Variants in RIC1 observed in about 807,000 individuals in gnomAD.
RIC1 encodes the protein RIC1 partner of RAB6A GEF complex.
In RIC1, 88 loss-of-function variants were observed where a neutral mutation model predicts 169.0. The observed-to-expected ratio is 0.52, with a 90% CI of 0.44 to 0.62. The LOEUF (loss-of-function observed/expected upper bound fraction) is 0.62, where lower values mean the gene tolerates loss of function less well. RIC1 is among the 20% of genes least tolerant of loss of function. The pLI is 0.00. For synonymous variants in RIC1, 790 were observed against 601.5 expected (o/e 1.31, Z -4.59); for missense variants, 1,877 against 1,725.5 (o/e 1.09, Z -1.56).
intron 1 of RIC1, among the ~76,000 whole-genome samples, chr9:5,648,075 C>T (rs1050940514): frequency 1.3e-5 from 2 of 150,596 alleles, no homozygotes; most frequent in African/African-American, 4.9e-5. Flanking sequence ...CGCCACCTCC[C>T]GAGTTCAAGC....
Position 5,763,976 on chromosome 9 carries a change from A to G in RIC1, c.2841+108A>G, listed in dbSNP as rs991106794. ...ATTGTGTTTAAGGAATTCATAGTCA[A>G]ATTTTCTGTTTATATCTTTAATTTG... is the stretch of plus-strand genomic sequence containing the variant. On this transcript the variant is annotated intron_variant, in intron 19 of 25. Coordinates refer to ENST00000414202, the MANE Select transcript of RIC1 (RefSeq NM_020829.4). The surrounding 1 kb of genome is among the most constrained non-coding windows in gnomAD (Gnocchi z 5.2). 4.0e-6 allele frequency: 5 copies of G among 1,255,466 alleles called. No individual in the cohort carries two copies. The highest frequency in any genetic ancestry group is 5.5e-6 in the Non-Finnish European group (5 of 908,838). 77.8% of individuals were successfully genotyped at this position (1,255,466 alleles called of 1,614,324 possible). A position where few individuals can be genotyped will look rare whatever the true frequency, so the allele number is the denominator to read the frequency against.
intron 3 of RIC1, among the ~76,000 whole-genome samples, chr9:5,698,917 G>A (rs147620784): frequency 1.3e-5 from 2 of 152,290 alleles, no homozygotes; most frequent in Admixed American, 1.3e-4. Context: ...GAGTGAACTA[G>A]AATTTGAAGA....
intron 1 of RIC1, among the ~76,000 whole-genome samples, chr9:5,642,657 G>C (rs576327287): frequency 6.9e-6 from 1 of 144,970 alleles, no homozygotes; most frequent in East Asian, 1.9e-4. Flanking sequence ...AGGAGAATCT[G>C]CCTCTGTGGC....
chr9:5,716,575 T>C (rs1478096019), intron 4 of RIC1, among the ~76,000 whole-genome samples: 1 of 152,230 alleles, frequency 6.6e-6, no homozygotes, highest in Non-Finnish European at 1.5e-5. Flanking sequence ...ATTGTGCCAC[T>C]GCACTCCAGC....
rs185876815 is a variant in RIC1 at position 5,639,984 on chromosome 9, T to G, written c.144+10531T>G. On this transcript the variant is annotated intron_variant, in intron 1 of 25. Coordinates refer to ENST00000414202, the MANE Select transcript of RIC1 (RefSeq NM_020829.4). ...CTTTGTATGTGAAGTGTGTTTCTTG[T>G]GGGCAACAGATCAGTGGATCTTGTT... Among the ~76,000 whole-genome samples the G allele has an allele frequency of 4.3e-3, 662 of 152,316 alleles. 3 individuals are homozygous for G. Among genetic ancestry groups the G allele is most frequent in the African/African-American group, 0.015 (605 of 41,558 alleles).
At chr9:5,702,342 A>C (rs189558208) in intron 3 of RIC1, among the ~76,000 whole-genome samples, 2 of 152,238 alleles carry the variant, frequency 1.3e-5, no homozygotes, top group East Asian at 3.9e-4. Flanking sequence ...TATAAAGAAA[A>C]GAGGTTTAAT....
intron 3 of RIC1, among the ~76,000 whole-genome samples, chr9:5,709,248 C>T (rs577256913): frequency 2.0e-5 from 3 of 152,258 alleles, no homozygotes; most frequent in East Asian, 1.9e-4. Flanking sequence ...TGTCCAGATA[C>T]GAAAAACATT....
At chr9:5,729,117 G>A (rs1000997931) in intron 6 of RIC1, among the ~76,000 whole-genome samples, 1 of 152,160 alleles carries the variant, frequency 6.6e-6, no homozygotes, top group Non-Finnish European at 1.5e-5. Context: ...AGTATTCTGG[G>A]ATTTGAGTTA....
At chr9:5,667,722 C>CTCAA (rs1819861224) in intron 2 of RIC1, among the ~76,000 whole-genome samples, 1 of 152,066 alleles carries the variant, frequency 6.6e-6, no homozygotes, top group African/African-American at 2.4e-5. Flanking sequence ...CCAGGCTGGT[C>CTCAA]TCAAACTCCT....
intron 7 of RIC1, among the ~76,000 whole-genome samples, 166 bp from the exon 8 acceptor site, chr9:5,738,284 G>A (rs1824853720): frequency 6.6e-6 from 1 of 152,154 alleles, no homozygotes; most frequent in Admixed American, 6.5e-5. Flanking sequence ...GAAATTGCTA[G>A]ATTAGAATAT....
chr9:5,650,508 G>C (rs974200523), intron 1 of RIC1, among the ~76,000 whole-genome samples: 9 of 152,052 alleles, frequency 5.9e-5, no homozygotes, highest in Admixed American at 3.9e-4. Flanking sequence ...CCTGCTACTA[G>C]AGGGGATAGG....
chr9:5,698,486 T>C (rs985773389), intron 3 of RIC1, among the ~76,000 whole-genome samples: 1 of 152,234 alleles, frequency 6.6e-6, no homozygotes, highest in African/African-American at 2.4e-5. Context: ...TGGGAGGCTT[T>C]ACTTTTAGTT....
intron 1 of RIC1, among the ~76,000 whole-genome samples, chr9:5,654,802 C>T (rs532441126): frequency 1.3e-5 from 2 of 152,194 alleles, no homozygotes; most frequent in Non-Finnish European, 2.9e-5. Context: ...ATCTGCCTGC[C>T]TTGGCCTTTC....
intron 1 of RIC1, among the ~76,000 whole-genome samples, chr9:5,632,427 C>T (rs1018549553): frequency 3.9e-5 from 6 of 152,066 alleles, no homozygotes; most frequent in Admixed American, 1.3e-4. Context: ...AGTAGGTATT[C>T]GGAATTCCAC....
intron 2 of RIC1, among the ~76,000 whole-genome samples, chr9:5,678,743 A>C (rs931294454): frequency 6.6e-6 from 1 of 152,162 alleles, no homozygotes; most frequent in African/African-American, 2.4e-5. Context: ...TCTGGATATT[A>C]GCCCTTTGTC....
Position 5,689,942 on chromosome 9 carries a change from T to TA in RIC1, c.253-13dup, listed in dbSNP as rs757608122. 2 of 1,527,672 alleles carry TA rather than the reference T, an allele frequency of 1.3e-6. No homozygotes were observed. The highest frequency in any genetic ancestry group is 1.8e-6 in the Non-Finnish European group (2 of 1,113,112). The allele number at this position is 1,527,672 out of a possible 1,614,324, so 94.6% of individuals were successfully genotyped here. A position where few individuals can be genotyped will look rare whatever the true frequency, so the allele number is the denominator to read the frequency against. ...GCCTTACTCTTTAATTCATGATTAA[T>TA]AAAATTTCTCTTTCAGACGGCAAAT... On this transcript the variant is annotated splice_polypyrimidine_tract_variant and intron_variant, in intron 2 of 25. Coordinates refer to ENST00000414202, the MANE Select transcript of RIC1 (RefSeq NM_020829.4).
At chr9:5,664,857 T>C (rs996960313) in intron 2 of RIC1, among the ~76,000 whole-genome samples, 1 of 152,222 alleles carries the variant, frequency 6.6e-6, no homozygotes, top group Non-Finnish European at 1.5e-5. Context: ...TTCAGCAAGA[T>C]AGTCTTCAAG....
chr9:5,753,407 T>G, intron 13 of RIC1, 129 bp from the exon 14 acceptor site: 1 of 813,214 alleles, frequency 1.2e-6, no homozygotes, highest in Non-Finnish European at 2.0e-6. Flanking sequence ...ACTGAATATT[T>G]GGACTTTAAA....
chr9:5,776,857 G>T (rs1189791261), downstream of RIC1, among the ~76,000 whole-genome samples: 1 of 152,050 alleles, frequency 6.6e-6, no homozygotes, highest in Non-Finnish European at 1.5e-5. Context: ...AATTTTACAT[G>T]TAAGTATAGA....
Sources: allele counts gnomAD v4.1 joint callset (sites outside exome capture counted in the v4.1 genomes callset), GRCh38; gene constraint gnomAD v4.1.1; non-coding constraint Gnocchi (gnomAD v3.1); transcripts MANE v1.5; gene names NCBI Gene and HGNC (gene_info 2026-07-23, HGNC 2026-07-21).